The following CDHR5 variants were observed in gnomAD, a reference collection of about 807,000 sequenced individuals.
CDHR5 encodes the protein cadherin related family member 5, also known as cadherin-related family member 5.
Under a neutral mutation model 69.5 loss-of-function variants are expected in CDHR5, and 82 were observed. That is an observed-to-expected ratio of 1.18 (90% CI 0.99 to 1.42). The LOEUF is 1.42. Ranked by LOEUF, CDHR5 falls within the 40% of genes most tolerant of loss-of-function variation. The pLI is 0.00. For missense variants in CDHR5, 1,293 were observed against 1,168.9 expected (o/e 1.11, Z -1.55); for synonymous variants, 601 against 510.2 (o/e 1.18, Z -2.40).
rs1166714450 is a variant in CDHR5 at position 618,603 on chromosome 11, A to C, written c.1956T>G (p.Ser652=). The C allele has an allele frequency of 1.2e-6, 2 of 1,613,816 alleles. No homozygotes were observed. Among genetic ancestry groups the C allele is most frequent in the African/African-American group, 1.3e-5 (1 of 74,934 alleles). The part of the protein sequence containing the change: ...QPMPLSKSTP[S]SGGGPSEDKR... ...AGGCAACAGAGTGGGTGCTACCTGAAGATGGGGTGCTCTTGCTGAGGGGCA... is the reference window on the plus strand; with the variant it reads ...AGGCAACAGAGTGGGTGCTACCTGACGATGGGGTGCTCTTGCTGAGGGGCA... The change falls in exon 13 of 15, where the codon TCT becomes TCG. Residue 652 remains serine (S), a synonymous_variant. Transcript: ENST00000397542.
At position 620,365 on chromosome 11, in the gene CDHR5, G is replaced by A; in HGVS notation, c.811C>T (p.Pro271Ser). Residue 271 changes from proline (P) to serine (S), a missense_variant, in exon 8 of 15, where the codon CCC becomes TCC. Transcript: ENST00000397542. ...CCGTCCTCAGCGTAGATGGGTCCGG[G>A]ACGCAGGACGAGGGGAGATGGCTTC... ...HILPSPLVLRPGPIYAEDGDR... is the reference protein window; with the variant it reads ...HILPSPLVLRSGPIYAEDGDR... 3 of 1,610,038 alleles carry A rather than the reference G, an allele frequency of 1.9e-6. No homozygotes were observed. Among genetic ancestry groups the A allele is most frequent in the Non-Finnish European group, 2.5e-6 (3 of 1,177,426 alleles).
At position 621,294 on chromosome 11, in the gene CDHR5, G is replaced by A. The variant is rs538326484; in HGVS notation, c.619-44C>T. 4 of 1,610,782 alleles carry A rather than the reference G, an allele frequency of 2.5e-6. No individual in the cohort carries two copies. In the African/African-American group the frequency reaches 5.3e-5, roughly 21 times the overall value. Reference sequence around the variant, plus strand: ...CTGGATCAGGCCTGGGAGCAGCTGGGGCCGGGGGGCCTCAAGTGTGTGGGA... The same window carrying A: ...CTGGATCAGGCCTGGGAGCAGCTGGAGCCGGGGGGCCTCAAGTGTGTGGGA... On this transcript the variant is annotated intron_variant, in intron 6 of 14. Coordinates refer to ENST00000397542, the MANE Select transcript of CDHR5 (RefSeq NM_021924.5). This position sits in a 1 kb window ranked among gnomAD's most constrained non-coding sequence, Gnocchi z 4.4.
intron 3 of CDHR5, among the ~76,000 whole-genome samples, chr11:622,821 T>C (rs1857496587): frequency 6.6e-6 from 1 of 152,074 alleles, no homozygotes. Flanking sequence ...TTGTCACACC[T>C]GGGAAAAGCG....
intron 3 of CDHR5, among the ~76,000 whole-genome samples, chr11:622,886 G>A (rs1447137948): frequency 2.6e-5 from 4 of 152,156 alleles, no homozygotes; most frequent in Non-Finnish European, 5.9e-5. Flanking sequence ...TCTCTGAAGG[G>A]TTTTTTAACA....
intron 12 of CDHR5, 56 bp from the exon 13 acceptor site, chr11:619,236 C>T (rs1857201117): frequency 7.5e-6 from 11 of 1,469,714 alleles, no homozygotes; most frequent in African/African-American, 1.4e-5. Context: ...GCACACCTAC[C>T]GCGGGAAAGG....
Position 621,979 on chromosome 11 carries a change from CCCA to C in CDHR5, c.313-78_313-76del, listed in dbSNP as rs1857435687. The C allele has an allele frequency of 2.5e-6, 3 of 1,211,344 alleles. No individual in the cohort carries two copies. In the East Asian group the frequency reaches 7.3e-5, roughly 29 times the overall value. 75.0% of individuals were successfully genotyped at this position (1,211,344 alleles called of 1,614,324 possible). On this transcript the variant is annotated intron_variant, in intron 3 of 14. Coordinates refer to ENST00000397542, the MANE Select transcript of CDHR5 (RefSeq NM_021924.5). The surrounding 1 kb of genome is among the most constrained non-coding windows in gnomAD (Gnocchi z 4.4). ...GTGCACCCCTCGACGGCTATCCGTC[CCCA>C]CCGTGAGTGAGGTGCACCCCTCAAC...
In CDHR5 at chr11:618,775, G is replaced by C; in HGVS notation, c.1784C>G (p.Ala595Gly). The C allele has an allele frequency of 1.2e-6, 2 of 1,604,952 alleles. No individual in the cohort carries two copies. The highest frequency in any genetic ancestry group is 1.7e-6 in the Non-Finnish European group (2 of 1,178,096). Residue 595 changes from alanine to glycine, a missense_variant, in exon 13 of 15, where the codon GCC becomes GGC. Coordinates refer to ENST00000397542, the MANE Select transcript of CDHR5 (RefSeq NM_021924.5). ...SMGTSTSHQP[A>G]TPGGGTAQTP... ...CTGTGCTGTGCCCCCACCGGGTGTG[G>C]CTGGTTGGTGGGAGGTGCTGGTTCC... is the stretch of plus-strand genomic sequence containing the variant.
chr11:620,010 G>A (rs1277262556), intron 9 of CDHR5, 57 bp downstream of exon 9: 34 of 335,456 alleles, frequency 1.0e-4, no homozygotes, highest in Admixed American at 3.2e-4. Context: ...CTGACCCCCC[G>A]CCCTACCTTC....
At chr11:620,982 G>GAACCCC in intron 7 of CDHR5, 98 bp downstream of exon 7, 1 of 682,274 alleles carries the variant, frequency 1.5e-6, no homozygotes, top group Non-Finnish European at 2.2e-6. Flanking sequence ...CCCACCCCCT[G>GAACCCC]ACCCCGACCC....
Position 620,398 on chromosome 11 carries a change from G to A in CDHR5, c.790-12C>T. The A allele has an allele frequency of 6.3e-7, 1 of 1,579,496 alleles. No individual in the cohort carries two copies. The highest frequency in any genetic ancestry group is 1.7e-5 in the Admixed American group (1 of 57,522). On this transcript the variant is annotated splice_polypyrimidine_tract_variant and intron_variant, in intron 7 of 14. Coordinates refer to ENST00000397542, the MANE Select transcript of CDHR5 (RefSeq NM_021924.5). The stretch of plus-strand genomic sequence containing the variant: ...ACGAGGGGAGATGGCTTCAGGGATG[G>A]CGGAAGGGAGGGCACGTCGTGGGGC...
In CDHR5 at chr11:621,397, C is replaced by T. The variant is rs368029465; in HGVS notation, c.566G>A (p.Arg189Gln). The T allele has an allele frequency of 1.3e-4, 216 of 1,612,844 alleles. No homozygotes were observed. Among genetic ancestry groups the T allele is most frequent in the Non-Finnish European group, 1.7e-4 (203 of 1,179,998 alleles). Residue 189 changes from arginine (R) to glutamine (Q), a missense_variant, in exon 6 of 15, where the codon CGG (arginine) becomes CAG (glutamine). Coordinates refer to ENST00000397542, the MANE Select transcript of CDHR5 (RefSeq NM_021924.5). This position sits in a 1 kb window ranked among gnomAD's most constrained non-coding sequence, Gnocchi z 4.4. The part of the protein sequence containing the change: ...SVNRPALRLD[R>Q]PLDFYERPNM... ...CGGCCGCTCGTAGAAGTCCAGGGGC[C>T]GGTCCAGCCTCAGGGCGGGACGGTT...
chr11:617,163 C>G lies in CDHR5; in HGVS notation c.*188G>C. On this transcript the variant is annotated 3_prime_UTR_variant, in exon 15 of 15. Transcript: ENST00000397542. ...AGCGTGGCCAGACCCACCGCCTCAT[C>G]TGCACACCTGGGCTCAAGCGCTAAT... 1.7e-6 allele frequency: 1 copy of G among 601,378 alleles called. No individual in the cohort carries two copies. Among genetic ancestry groups the G allele is most frequent in the South Asian group, 2.1e-5 (1 of 47,986 alleles). 37.3% of individuals were successfully genotyped at this position (601,378 alleles called of 1,614,324 possible).
At position 618,997 on chromosome 11, in the gene CDHR5, G is replaced by A. The variant is rs753840919; in HGVS notation, c.1562C>T (p.Pro521Leu). Residue 521 changes from proline to leucine, a missense_variant, in exon 13 of 15, where the codon CCC (proline) becomes CTC (leucine). By Grantham distance (98) the Pro-to-Leu change is moderately conservative (BLOSUM62 -3). Transcript: ENST00000397542. The stretch of plus-strand genomic sequence containing the variant: ...GGAGGTGCTGTTTTCTGCACCCGGG[G>A]GCCCCCCGGGTGTGGACGAGGTTGG... ...RPPTSSTPGG[P>L]PGAENSTSHQ... is the part of the protein sequence containing the mutation. 1 of 1,613,336 alleles carries A rather than the reference G, an allele frequency of 6.2e-7. No homozygotes were observed. The highest frequency in any genetic ancestry group is 2.2e-5 in the East Asian group (1 of 44,834).
Position 617,324 on chromosome 11 carries a change from G to A in CDHR5, c.*27C>T, listed in dbSNP as rs181662807. On this transcript the variant is annotated 3_prime_UTR_variant, in exon 15 of 15. Transcript: ENST00000397542. ...GGAGCGAGACCTCCAGTGCCCGTGCGGCTGGGGGAGAGGGTGGAGGGGCCA... is the reference window on the plus strand; with the variant it reads ...GGAGCGAGACCTCCAGTGCCCGTGCAGCTGGGGGAGAGGGTGGAGGGGCCA... 1,296 of 1,544,102 alleles carry A rather than the reference G, an allele frequency of 8.4e-4. 5 individuals are homozygous for A. The highest frequency in any genetic ancestry group is 1.1e-3 in the Non-Finnish European group (1,216 of 1,128,286).
intron 3 of CDHR5, among the ~76,000 whole-genome samples, chr11:623,230 A>T (rs1857525038): frequency 1.3e-5 from 2 of 152,024 alleles, no homozygotes; most frequent in Non-Finnish European, 2.9e-5. Flanking sequence ...AATCGCTTGG[A>T]CCCGGGAGGC....
At position 619,716 on chromosome 11, in the gene CDHR5, G is replaced by A. The variant is rs1857244149; in HGVS notation, c.1144C>T (p.Pro382Ser). 1.2e-6 allele frequency: 2 copies of A among 1,613,016 alleles called. No homozygotes were observed. Among genetic ancestry groups the A allele is most frequent in the Non-Finnish European group, 8.5e-7 (1 of 1,179,984 alleles). ...GGGTCCTGAGCCTGGATCCTCAGAG[G>A]CTGAGAAGGGGCAGCTGCATCCTTG... ...VVKDAAAPSQ[P>S]LRIQAQDPEF... The change falls in exon 10 of 15, where the codon CCT (proline) becomes TCT (serine). Residue 382 changes from proline (P) to serine (S), a missense_variant. Physicochemically the swap from Pro to Ser is moderately conservative, Grantham distance 74. Transcript: ENST00000397542.
In CDHR5 at chr11:621,455, C is replaced by T. The variant is rs755672753; in HGVS notation, c.508G>A (p.Gly170Ser). The T allele has an allele frequency of 3.1e-6, 5 of 1,611,852 alleles. No individual in the cohort carries two copies. The highest frequency in any genetic ancestry group is 3.3e-5 in the Admixed American group (2 of 60,016). The change falls in exon 6 of 15, where the codon GGT becomes AGT. Residue 170 changes from glycine to serine, a missense_variant and splice_region_variant. Coordinates refer to ENST00000397542, the MANE Select transcript of CDHR5 (RefSeq NM_021924.5). This position sits in a 1 kb window ranked among gnomAD's most constrained non-coding sequence, Gnocchi z 4.4. Reference sequence around the variant, plus strand: ...ACCAGGGAGAAGTAGTCACTGGCACCCTGGGGAGGGTCAGGGAGGACAGAG... The same window carrying T: ...ACCAGGGAGAAGTAGTCACTGGCACTCTGGGGAGGGTCAGGGAGGACAGAG... The part of the protein sequence containing the change: ...LFYTLQEMTA[G>S]ASDYFSLVSV...
chr11:624,439 T>C lies in CDHR5; in HGVS notation c.261+118A>G, dbSNP rs1274349647. The C allele has an allele frequency of 9.5e-7, 1 of 1,054,428 alleles. No individual in the cohort carries two copies. Among genetic ancestry groups the C allele is most frequent in the African/African-American group, 1.6e-5 (1 of 64,102 alleles). The allele number at this position is 1,054,428 out of a possible 1,614,324, so 65.3% of individuals were successfully genotyped here. A position where few individuals can be genotyped will look rare whatever the true frequency, so the allele number is the denominator to read the frequency against. ...CTTCTAGGGCAGGCACCACCAAGCATGGGTGTCAGTGGATGCCCGCAGGCA... is the reference window on the plus strand; with the variant it reads ...CTTCTAGGGCAGGCACCACCAAGCACGGGTGTCAGTGGATGCCCGCAGGCA... On this transcript the variant is annotated intron_variant, in intron 2 of 14. Transcript: ENST00000397542. This position sits in a 1 kb window ranked among gnomAD's most constrained non-coding sequence, Gnocchi z 5.3.
At position 617,967 on chromosome 11, in the gene CDHR5, C is replaced by G. The variant is rs2740379; in HGVS notation, c.2105G>C (p.Cys702Ser). The change falls in exon 14 of 15, where the codon TGT (cysteine) becomes TCT (serine). Residue 702 changes from cysteine to serine, a missense_variant. Transcript: ENST00000397542. ...KHYGPRLKCC[C>S]GKAPEPQPQG... ...CCTGGGCCTCACCGGAGCTTTGCCA[C>G]AGCAGCACTTGAGCCGGGGGCCATA... is the stretch of plus-strand genomic sequence containing the variant. The G allele has an allele frequency of 1, 1,605,666 of 1,611,674 alleles. 800,014 individuals carry two copies. The highest frequency in any genetic ancestry group is 1 in the East Asian group (44,821 of 44,822).
Sources: allele counts gnomAD v4.1 joint callset (sites outside exome capture counted in the v4.1 genomes callset), GRCh38; gene constraint gnomAD v4.1.1; non-coding constraint Gnocchi (gnomAD v3.1); transcripts MANE v1.5; gene names NCBI Gene and HGNC (gene_info 2026-07-23, HGNC 2026-07-21).